APIP: variants seen among roughly 807,000 people sequenced by gnomAD.
APIP encodes the protein methylthioribulose-1-phosphate dehydratase.
Under a neutral mutation model 32.0 loss-of-function variants are expected in APIP, and 32 were observed. The ratio of observed to expected loss-of-function variants is 1.00; its 90% CI spans 0.76 to 1.34. APIP has a LOEUF of 1.34. Ranked by LOEUF, APIP falls within the 40% of genes most tolerant of loss-of-function variation. The probability of loss-of-function intolerance (pLI) is 0.00; values close to 1 mark genes in which losing one functional copy is unlikely to be tolerated. For synonymous variants in APIP, 92 were observed against 94.8 expected (o/e 0.97, Z 0.17); for missense variants, 247 against 298.6 (o/e 0.83, Z 1.27).
chr11:34,899,324 C>T (rs539217462), intron 1 of APIP, among the ~76,000 whole-genome samples: 4 of 152,274 alleles, frequency 2.6e-5, no homozygotes, highest in Non-Finnish European at 4.4e-5. Context: ...GAAAATTCTG[C>T]TTTCAACAGA....
chr11:34,894,314 G>A (rs1853230755), intron 2 of APIP, among the ~76,000 whole-genome samples: 1 of 151,912 alleles, frequency 6.6e-6, no homozygotes, highest in Non-Finnish European at 1.5e-5. Context: ...CCGTTCTTTT[G>A]ATTCAATAAA....
intron 1 of APIP, among the ~76,000 whole-genome samples, chr11:34,905,886 G>A (rs1853443311): frequency 6.6e-6 from 1 of 152,168 alleles, no homozygotes; most frequent in African/African-American, 2.4e-5. Context: ...TGGGCAAACT[G>A]GAGGCATCTG....
At chr11:34,908,606 C>A (rs1011720054) in intron 1 of APIP, among the ~76,000 whole-genome samples, 1 of 152,270 alleles carries the variant, frequency 6.6e-6, no homozygotes, top group African/African-American at 2.4e-5. Flanking sequence ...TTGGACCCCA[C>A]TAGCTGTGTG....
intron 1 of APIP, among the ~76,000 whole-genome samples, chr11:34,901,394 TC>T (rs902102601): frequency 6.3e-4 from 58 of 92,450 alleles, no homozygotes; most frequent in African/African-American, 1.7e-3. Flanking sequence ...GACTGATGGG[TC>T]CCGGGGGCTC....
intron 1 of APIP, among the ~76,000 whole-genome samples, chr11:34,908,415 C>A (rs538667374): frequency 6.6e-6 from 1 of 152,250 alleles, no homozygotes; most frequent in East Asian, 1.9e-4. Flanking sequence ...CATACTTTCT[C>A]TCTGTCCTTG....
chr11:34,884,612 C>G (rs942368686), intron 5 of APIP, among the ~76,000 whole-genome samples: 1 of 152,028 alleles, frequency 6.6e-6, no homozygotes, highest in Non-Finnish European at 1.5e-5. Context: ...GTAGTCCCAC[C>G]TACTCGGAAG....
chr11:34,891,457 C>T (rs1047042662), intron 2 of APIP, among the ~76,000 whole-genome samples: 10 of 152,194 alleles, frequency 6.6e-5, no homozygotes, highest in African/African-American at 2.4e-4. Context: ...CAAGAAAATG[C>T]CAGTACCTGC....
chr11:34,914,464 T>C (rs747664740), intron 1 of APIP, among the ~76,000 whole-genome samples: 8 of 152,322 alleles, frequency 5.3e-5, no homozygotes, highest in Admixed American at 2.6e-4. Flanking sequence ...TTCTTAAAAC[T>C]TTTCTTATTG....
chr11:34,900,926 A>G (rs1853361164), intron 1 of APIP, among the ~76,000 whole-genome samples: 1 of 152,078 alleles, frequency 6.6e-6, no homozygotes. Flanking sequence ...AAAGGCTGAG[A>G]GAGGCACTAA....
chr11:34,898,321 G>A (rs1032516190), intron 1 of APIP, among the ~76,000 whole-genome samples: 32 of 152,122 alleles, frequency 2.1e-4, no homozygotes, highest in African/African-American at 7.2e-4. Context: ...AGGCTTGCTG[G>A]TGGAGAACAC....
intron 5 of APIP, among the ~76,000 whole-genome samples, chr11:34,884,558 G>A (rs1451976975): frequency 6.6e-6 from 1 of 151,928 alleles, no homozygotes; most frequent in African/African-American, 2.4e-5. Context: ...AACCCCATCT[G>A]TACAAAAAAT....
At chr11:34,894,477 A>AAAC (rs1554980583) in intron 2 of APIP, among the ~76,000 whole-genome samples, 2 of 150,936 alleles carry the variant, frequency 1.3e-5, no homozygotes, top group Non-Finnish European at 3.0e-5. Flanking sequence ...CAAAAAAAAA[A>AAAC]AAAAAAAAAA....
At chr11:34,914,063 G>T (rs976145723) in intron 1 of APIP, among the ~76,000 whole-genome samples, 3 of 152,170 alleles carry the variant, frequency 2.0e-5, no homozygotes, top group Non-Finnish European at 4.4e-5. Context: ...TACTTTCATT[G>T]CATGTGGTTA....
intron 1 of APIP, 58 bp downstream of exon 1, chr11:34,916,170 G>A: frequency 1.9e-6 from 3 of 1,571,312 alleles, no homozygotes; most frequent in South Asian, 2.3e-5. Context: ...TCCAGCCGCC[G>A]GGTCCCGCCT....
At chr11:34,895,426 T>C (rs1033673768) in intron 1 of APIP, among the ~76,000 whole-genome samples, 4 of 152,018 alleles carry the variant, frequency 2.6e-5, no homozygotes, top group African/African-American at 9.7e-5. Context: ...TGAAAGAAAA[T>C]AGAATCTCAT....
chr11:34,888,214 T>C (rs1442114883), intron 5 of APIP, 79 bp downstream of exon 5: 3 of 1,300,996 alleles, frequency 2.3e-6, no homozygotes, highest in Non-Finnish European at 3.1e-6. Flanking sequence ...ATTATATGCA[T>C]AAAATGATCA....
chr11:34,911,206 C>A (rs1329264970), intron 1 of APIP, among the ~76,000 whole-genome samples: 1 of 150,324 alleles, frequency 6.7e-6, no homozygotes, highest in Non-Finnish European at 1.5e-5. Flanking sequence ...AGTGAGGGGG[C>A]GGTAAAGATG....
chr11:34,888,753 T>A lies in APIP; in HGVS notation c.324A>T (p.Arg108Ser). 2 of 1,522,378 alleles carry A rather than the reference T, an allele frequency of 1.3e-6. No individual in the cohort carries two copies. Among genetic ancestry groups the A allele is most frequent in the Non-Finnish European group, 1.8e-6 (2 of 1,142,226 alleles). The allele number at this position is 1,522,378 out of a possible 1,614,324, so 94.3% of individuals were successfully genotyped here. A position where few individuals can be genotyped will look rare whatever the true frequency, so the allele number is the denominator to read the frequency against. The change falls in exon 4 of 7, where the codon AGA (arginine) becomes AGT (serine). Residue 108 changes from arginine (R) to serine (S), a missense_variant and splice_region_variant. Physicochemically the swap from Arg to Ser is moderately radical, Grantham distance 110 (BLOSUM62 -1). Coordinates refer to ENST00000395787, the MANE Select transcript of APIP (RefSeq NM_015957.4). ...ATGTTGAATATATTTTCTGCATACC[T>A]CTCATTGTGTAAGCATTCATGAAAA... ...TPLFMNAYTM[R>S]GAGAVIHTHS...
rs1853308015 is a variant in APIP at position 34,898,098 on chromosome 11, G to C, written c.58-2988C>G. The stretch of plus-strand genomic sequence containing the variant: ...GACAAAGGGCCCTGGTGTTCCTTCA[G>C]TTATCAGAGCCATATCATTTTGGTG... On this transcript the variant is annotated intron_variant, in intron 1 of 6. Coordinates refer to ENST00000395787, the MANE Select transcript of APIP (RefSeq NM_015957.4). Among the ~76,000 whole-genome samples the C allele has an allele frequency of 2.6e-5, 4 of 152,068 alleles. No homozygotes were observed. In the South Asian group the frequency reaches 8.3e-4, roughly 32 times the overall value.
Sources: allele counts gnomAD v4.1 joint callset (sites outside exome capture counted in the v4.1 genomes callset), GRCh38; gene constraint gnomAD v4.1.1; transcripts MANE v1.5; gene names NCBI Gene and HGNC (gene_info 2026-07-23, HGNC 2026-07-21).